Variants in NAA15 observed in about 807,000 individuals in gnomAD.
The protein encoded by NAA15 is N-terminal acetyltransferase.
NAA15 carries 34 observed loss-of-function variants against 114.0 expected under a neutral mutation model. The observed-to-expected ratio is 0.30, with a 90% CI of 0.23 to 0.40. The LOEUF (loss-of-function observed/expected upper bound fraction) is 0.40. NAA15 is among the 10% of genes least tolerant of loss of function. NAA15 has a pLI of 1.00. For synonymous variants in NAA15, 340 were observed against 338.0 expected (o/e 1.01, Z -0.06); for missense variants, 658 against 1,004.5 (o/e 0.66, Z 4.66).
At chr4:139,356,124 T>TGATCAAATA (rs1747941542) in intron 10 of NAA15, among the ~76,000 whole-genome samples, 2 of 152,242 alleles carry the variant, frequency 1.3e-5, no homozygotes, top group Non-Finnish European at 2.9e-5. Context: ...ATATTTGATG[T>TGATCAAATA]TTTATATCAA....
At chr4:139,346,214 G>A (rs1035454470) in intron 6 of NAA15, among the ~76,000 whole-genome samples, 1 of 152,176 alleles carries the variant, frequency 6.6e-6, no homozygotes, top group African/African-American at 2.4e-5. Flanking sequence ...AACAAGTAGT[G>A]GTGGTGTGTA....
chr4:139,346,810 C>T (rs1051548215), intron 6 of NAA15, among the ~76,000 whole-genome samples: 3 of 152,136 alleles, frequency 2.0e-5, no homozygotes, highest in African/African-American at 4.8e-5. Flanking sequence ...CGTGAGCCAC[C>T]GCACCCAGCC....
intron 17 of NAA15, among the ~76,000 whole-genome samples, chr4:139,382,916 T>A (rs1366842773): frequency 6.6e-6 from 1 of 152,168 alleles, no homozygotes; most frequent in Non-Finnish European, 1.5e-5. Flanking sequence ...TAAACTTAGA[T>A]TAATGATCCA....
intron 4 of NAA15, among the ~76,000 whole-genome samples, chr4:139,342,504 G>T (rs1040689247): frequency 7.0e-6 from 1 of 142,436 alleles, no homozygotes; most frequent in Non-Finnish European, 1.5e-5. Flanking sequence ...TTTTGAGACG[G>T]CGTCTTGCTC....
Position 139,347,021 on chromosome 4 carries a change from C to G in NAA15, c.692-2441C>G, listed in dbSNP as rs562732367. Among the ~76,000 whole-genome samples, 315 of 152,172 alleles carry G rather than the reference C, an allele frequency of 2.1e-3. 2 individuals are homozygous for G. The highest frequency in any genetic ancestry group is 7.2e-3 in the African/African-American group (298 of 41,514). ...GAACAAGGCTCAAATGATCCTCCCC[C>G]CAAACCCCACCCCCAGCCTCCCACT... is the stretch of plus-strand genomic sequence containing the variant. On this transcript the variant is annotated intron_variant, in intron 6 of 19. Transcript: ENST00000296543.
At chr4:139,343,811 G>T (rs902155545) in intron 5 of NAA15, among the ~76,000 whole-genome samples, 2 of 152,138 alleles carry the variant, frequency 1.3e-5, no homozygotes, top group Non-Finnish European at 2.9e-5. Flanking sequence ...TCACCATCTA[G>T]TTTTAGCATT....
chr4:139,334,022 C>T, intron 1 of NAA15, 152 bp from the exon 2 acceptor site: 6 of 534,338 alleles, frequency 1.1e-5, no homozygotes, highest in South Asian at 5.3e-5. Flanking sequence ...TGTATTTGAA[C>T]CTTTTGTATT....
intron 2 of NAA15, among the ~76,000 whole-genome samples, chr4:139,336,083 TTGA>T (rs1747192627): frequency 6.6e-6 from 1 of 152,216 alleles, no homozygotes; most frequent in South Asian, 2.1e-4. Context: ...ACGGTACATG[TTGA>T]TTCTTCCTCA....
intron 15 of NAA15, among the ~76,000 whole-genome samples, chr4:139,372,398 T>C (rs1396461690): frequency 1.3e-5 from 2 of 152,224 alleles, no homozygotes; most frequent in Non-Finnish European, 2.9e-5. Flanking sequence ...TTTGTAGCCA[T>C]GATTGTAGAG....
chr4:139,358,191 G>GTT (rs200019923), intron 11 of NAA15, among the ~76,000 whole-genome samples: 132 of 143,542 alleles, frequency 9.2e-4, no homozygotes, highest in South Asian at 6.7e-3. Flanking sequence ...TTTTGTTTTT[G>GTT]TTTTTTTTTT....
chr4:139,359,952 T>C (rs1748081165), intron 12 of NAA15, 57 bp downstream of exon 12: 12 of 1,439,580 alleles, frequency 8.3e-6, no homozygotes, highest in Non-Finnish European at 1.1e-5. Flanking sequence ...CAGTTCATAC[T>C]TGTATAACAT....
In NAA15 at chr4:139,370,222, G is replaced by T; in HGVS notation, c.1765G>T (p.Asp589Tyr). ...EHEADTANMS[D>Y]KELKKLRNKQ... The stretch of plus-strand genomic sequence containing the variant: ...CTTATTGCCTGCAGCAAACATGTCT[G>T]ACAAAGAGCTAAAGAAGCTACGTAA... The change falls in exon 15 of 20, where the codon GAC (aspartate) becomes TAC (tyrosine). Residue 589 changes from aspartate (D) to tyrosine (Y), a missense_variant. Physicochemically the swap from Asp to Tyr is radical, Grantham distance 160. Coordinates refer to ENST00000296543, the MANE Select transcript of NAA15 (RefSeq NM_057175.5). The T allele has an allele frequency of 3.2e-6, 5 of 1,538,550 alleles. No individual in the cohort carries two copies. In the South Asian group the frequency reaches 5.1e-5, roughly 16 times the overall value.
intron 1 of NAA15, among the ~76,000 whole-genome samples, chr4:139,318,766 A>C (rs1389043533): frequency 6.6e-6 from 1 of 151,868 alleles, no homozygotes; most frequent in Non-Finnish European, 1.5e-5. Flanking sequence ...AGGCAAGAGA[A>C]TTGCTTAAAC....
intron 1 of NAA15, among the ~76,000 whole-genome samples, chr4:139,309,794 T>C (rs2110831395): frequency 6.6e-6 from 1 of 152,326 alleles, no homozygotes; most frequent in Non-Finnish European, 1.5e-5. Flanking sequence ...CAGTTTTCAA[T>C]AGTAGTAGAT....
At chr4:139,321,205 T>TTTTC (rs1268770415) in intron 1 of NAA15, among the ~76,000 whole-genome samples, 3 of 152,100 alleles carry the variant, frequency 2.0e-5, no homozygotes, top group Non-Finnish European at 4.4e-5. Flanking sequence ...TTATGTTGGG[T>TTTTC]TAAATTTGCT....
At position 139,342,833 on chromosome 4, in the gene NAA15, G is replaced by A; in HGVS notation, c.410G>A (p.Arg137Lys). The change falls in exon 5 of 20, where the codon AGG becomes AAG. Residue 137 changes from arginine (R) to lysine (K), a missense_variant. This residue lies in a region of NAA15 where 75 missense variants were observed against 172.3 expected (regional missense o/e 0.44). Transcript: ENST00000296543. ...ATTTTTTTCCTTTTAAAGGAAACGA[G>A]GTATCAGTTACTTCAGCTTCGACCT... ...MRDLEGYRET[R>K]YQLLQLRPAQ... 1.9e-6 allele frequency: 3 copies of A among 1,608,498 alleles called. No individual in the cohort carries two copies. The highest frequency in any genetic ancestry group is 1.7e-6 in the Non-Finnish European group (2 of 1,178,232).
chr4:139,303,413 CCTTTA>C (rs1745881171), intron 1 of NAA15, among the ~76,000 whole-genome samples: 1 of 152,088 alleles, frequency 6.6e-6, no homozygotes, highest in Non-Finnish European at 1.5e-5. Flanking sequence ...CACTCATAAA[CCTTTA>C]CTTATATTTA....
Position 139,387,977 on chromosome 4 carries a change from T to C in NAA15, c.2494T>C (p.Phe832Leu), listed in dbSNP as rs1748953932. 6.2e-7 allele frequency: 1 copy of C among 1,613,858 alleles called. No homozygotes were observed. The highest frequency in any genetic ancestry group is 1.3e-5 in the African/African-American group (1 of 74,914). The change falls in exon 20 of 20, where the codon TTC (phenylalanine) becomes CTC (leucine). Residue 832 changes from phenylalanine (F) to leucine (L), a missense_variant. Physicochemically the swap from Phe to Leu is conservative, Grantham distance 22 (BLOSUM62 0). Coordinates refer to ENST00000296543, the MANE Select transcript of NAA15 (RefSeq NM_057175.5). ...TTATAGAGCAAATTGTCATAAGCTT[T>C]TCCCTTATGCTTTGGCTTTCATGCC... ...EIYRANCHKL[F>L]PYALAFMPPG...
intron 1 of NAA15, among the ~76,000 whole-genome samples, chr4:139,322,714 C>T (rs189535014): frequency 5.9e-5 from 9 of 152,198 alleles, no homozygotes; most frequent in African/African-American, 9.6e-5. Context: ...ATTTTTGAGA[C>T]GGAGTCTTGC....
Sources: gnomAD v4.1 joint callset for allele counts (sites outside exome capture counted in the v4.1 genomes callset) on GRCh38, gnomAD v4.1.1 for gene constraint, gnomAD v4.1.1 regional missense constraint, MANE v1.5 for transcripts, NCBI Gene and HGNC (gene_info 2026-07-23, HGNC 2026-07-21) for gene names.